Variants in TIAM1 observed in about 807,000 individuals in gnomAD.
TIAM1 encodes rho guanine nucleotide exchange factor TIAM1.
Under a neutral mutation model 163.5 loss-of-function variants are expected in TIAM1, and 65 were observed. The observed-to-expected ratio is 0.40, with a 90% CI of 0.33 to 0.49. The LOEUF (loss-of-function observed/expected upper bound fraction) is 0.49. Among genes scored for constraint, TIAM1 ranks in the 20% least tolerant of loss-of-function variants. TIAM1 has a pLI of 0.77. For missense variants in TIAM1, 1,789 were observed against 2,044.7 expected (o/e 0.87, Z 2.41); for synonymous variants, 833 against 810.1 (o/e 1.03, Z -0.48).
intron 2 of TIAM1, among the ~76,000 whole-genome samples, chr21:31,370,588 G>A (rs1221082411): frequency 6.6e-6 from 1 of 152,058 alleles, no homozygotes; most frequent in Non-Finnish European, 1.5e-5. Flanking sequence ...TTCTGTGGGG[G>A]TTTATATACT....
At position 31,285,406 on chromosome 21, in the gene TIAM1, G is replaced by A. The variant is rs553699901; in HGVS notation, c.-188-8498C>T. ...GCTGGAAAGGTCACGGGGATGGGGT[G>A]TGAAAATCTGCCTTGTTGTCCCTGG... is the stretch of plus-strand genomic sequence containing the variant. On this transcript the variant is annotated intron_variant, in intron 2 of 27. Coordinates refer to ENST00000541036, the MANE Select transcript of TIAM1 (RefSeq NM_001353694.2). Among the ~76,000 whole-genome samples, 7 of 152,322 alleles carry A rather than the reference G, an allele frequency of 4.6e-5. 1 individual carries two copies. The South Asian group carries it at 1.5e-3, about 32-fold the overall frequency.
chr21:31,254,455 A>G (rs943825735), intron 4 of TIAM1, among the ~76,000 whole-genome samples: 1 of 152,172 alleles, frequency 6.6e-6, no homozygotes, highest in African/African-American at 2.4e-5. Flanking sequence ...GCACTTTGGG[A>G]GGCTGAAGCG....
Position 31,120,490 on chromosome 21 carries a change from G to C in TIAM1, c.4654C>G (p.Gln1552Glu). The C allele has an allele frequency of 5.0e-6, 8 of 1,614,244 alleles. No homozygotes were observed. Among genetic ancestry groups the C allele is most frequent in the Non-Finnish European group, 6.8e-6 (8 of 1,180,046 alleles). Residue 1552 changes from glutamine to glutamate, a missense_variant, in exon 28 of 28, where the codon CAG becomes GAG. Physicochemically the swap from Gln to Glu is conservative, Grantham distance 29. Around this residue, in one of 5 missense-constraint regions of TIAM1, gnomAD observed 415 missense variants for 439.2 expected, o/e 0.94. Coordinates refer to ENST00000541036, the MANE Select transcript of TIAM1 (RefSeq NM_001353694.2). The surrounding 1 kb of genome is among the most constrained non-coding windows in gnomAD (Gnocchi z 4.2). ...GACAGGGCAGCTTGCTTCTTGAGCT[G>C]TGCCATGCGGGACGCGTGACTATCC... ...TLDSHASRMA[Q>E]LKKQAALSGI...
chr21:31,454,651 A>G (rs1032227771), intron 2 of TIAM1, among the ~76,000 whole-genome samples: 2 of 152,232 alleles, frequency 1.3e-5, no homozygotes, highest in Non-Finnish European at 2.9e-5. Flanking sequence ...GCCAGGACAT[A>G]GAGATTGGTT....
rs187484691 is a variant in TIAM1 at position 31,212,171 on chromosome 21, T to C, written c.2217+1227A>G. The stretch of plus-strand genomic sequence containing the variant: ...TATCCAGGATAGCATCATTCATGAG[T>C]AGTTTGTGTATGAAGGAAAGAAAAG... On this transcript the variant is annotated intron_variant, in intron 10 of 27. Coordinates refer to ENST00000541036, the MANE Select transcript of TIAM1 (RefSeq NM_001353694.2). Among the ~76,000 whole-genome samples the C allele has an allele frequency of 1.5e-4, 23 of 152,066 alleles. No individual in the cohort carries two copies. The East Asian group carries it at 4.1e-3, about 27-fold the overall frequency.
chr21:31,478,216 T>C (rs2045997134), intron 1 of TIAM1, among the ~76,000 whole-genome samples: 3 of 152,220 alleles, frequency 2.0e-5, no homozygotes, highest in Non-Finnish European at 2.9e-5. Flanking sequence ...ACTAGACACA[T>C]GTAAACTTTT....
chr21:31,210,579 A>AAAGAAAGAAAGAAAGG (rs2086690314), intron 10 of TIAM1, among the ~76,000 whole-genome samples: 1 of 123,108 alleles, frequency 8.1e-6, no homozygotes, highest in Non-Finnish European at 1.6e-5. Flanking sequence ...AGAAAGAAAG[A>AAAGAAAGAAAGAAAGG]AAGAAAGAAA....
chr21:31,462,829 G>A (rs1602339836), intron 2 of TIAM1, among the ~76,000 whole-genome samples: 1 of 149,430 alleles, frequency 6.7e-6, no homozygotes, highest in Non-Finnish European at 1.5e-5. Flanking sequence ...TGCAACCTCC[G>A]CCTCCCAGGT....
chr21:31,424,707 T>C (rs966585260), intron 2 of TIAM1, among the ~76,000 whole-genome samples: 8 of 152,184 alleles, frequency 5.3e-5, no homozygotes, highest in Non-Finnish European at 7.3e-5. Context: ...AAAAGAGTTC[T>C]GGAGACTGCA....
chr21:31,216,916 G>A (rs573717509), intron 9 of TIAM1, among the ~76,000 whole-genome samples: 1 of 152,170 alleles, frequency 6.6e-6, no homozygotes, highest in Non-Finnish European at 1.5e-5. Flanking sequence ...AGCTTAAAAA[G>A]TCTCTGCATG....
chr21:31,143,315 A>G (rs2082944689), intron 20 of TIAM1, among the ~76,000 whole-genome samples: 1 of 151,954 alleles, frequency 6.6e-6, no homozygotes, highest in African/African-American at 2.4e-5. Context: ...ACTTTCCCCC[A>G]CTGGAAATTT....
At chr21:31,424,369 G>T (rs2043706248) in intron 2 of TIAM1, among the ~76,000 whole-genome samples, 1 of 152,210 alleles carries the variant, frequency 6.6e-6, no homozygotes, top group African/African-American at 2.4e-5. Flanking sequence ...AAGAAAAAGG[G>T]TGGATTTGTG....
intron 7 of TIAM1, among the ~76,000 whole-genome samples, chr21:31,225,203 T>C (rs2087880867): frequency 1.3e-5 from 2 of 152,154 alleles, no homozygotes; most frequent in Admixed American, 1.3e-4. Context: ...TTTTGCCATG[T>C]TGACCAGGCT....
chr21:31,183,798 G>A (rs933136127), intron 14 of TIAM1, among the ~76,000 whole-genome samples: 2 of 147,230 alleles, frequency 1.4e-5, no homozygotes, highest in Non-Finnish European at 3.0e-5. Flanking sequence ...AGGTTCAAGC[G>A]ATTCTCCTGC....
intron 1 of TIAM1, among the ~76,000 whole-genome samples, chr21:31,510,080 C>T (rs1204280581): frequency 1.3e-5 from 2 of 152,184 alleles, no homozygotes; most frequent in African/African-American, 4.8e-5. Context: ...GAAGTCCTAA[C>T]CCGGGGTACC....
At chr21:31,512,475 C>T (rs1324444157) in intron 1 of TIAM1, among the ~76,000 whole-genome samples, 5 of 152,142 alleles carry the variant, frequency 3.3e-5, no homozygotes, top group Non-Finnish European at 4.4e-5. Context: ...TTGAAAACTA[C>T]GGACACAGCC....
intron 2 of TIAM1, chr21:31,453,002 C>A: frequency 1.0e-5 from 5 of 489,420 alleles, no homozygotes; most frequent in South Asian, 8.0e-5. Flanking sequence ...ACAGAACGGT[C>A]AAAGTGGGAG....
At chr21:31,402,468 C>T (rs994282570) in intron 2 of TIAM1, among the ~76,000 whole-genome samples, 4 of 152,252 alleles carry the variant, frequency 2.6e-5, no homozygotes, top group Non-Finnish European at 4.4e-5. Flanking sequence ...GCAGGACCAA[C>T]GTCTCTTCCT....
Position 31,442,087 on chromosome 21 carries a change from A to ATATATATATATATATATATATATATATG in TIAM1, c.-369+21895_-369+21896insCATATATATATATATATATATATATATA, listed in dbSNP as rs1273070445. Among the ~76,000 whole-genome samples the ATATATATATATATATATATATATATATG allele has an allele frequency of 3.9e-5, 5 of 127,204 alleles. 1 individual carries two copies. The highest frequency in any genetic ancestry group is 8.5e-5 in the Non-Finnish European group (5 of 58,746). 83.5% of individuals were successfully genotyped at this position (127,204 alleles called of 152,430 possible). The stretch of plus-strand genomic sequence containing the variant: ...AATAAATAAATATATATATATATAT[A>ATATATATATATATATATATATATATATG]GAACAATAAGGGTATTGTAACAGGG... On this transcript the variant is annotated intron_variant, in intron 2 of 28. Transcript: ENST00000286827.
Sources: allele counts gnomAD v4.1 joint callset (sites outside exome capture counted in the v4.1 genomes callset), GRCh38; gene constraint gnomAD v4.1.1; regional missense constraint gnomAD v4.1.1; non-coding constraint Gnocchi (gnomAD v3.1); transcripts MANE v1.5; gene names NCBI Gene and HGNC (gene_info 2026-07-23, HGNC 2026-07-21).